Variants in SETBP1 observed in about 807,000 individuals in gnomAD.
SETBP1 encodes the protein SET binding protein 1.
Under a neutral mutation model 101.0 loss-of-function variants are expected in SETBP1, and 9 were observed. That is an observed-to-expected ratio of 0.09 (90% CI 0.05 to 0.16). SETBP1 has a LOEUF of 0.16. SETBP1 is among the 10% of genes least tolerant of loss of function. The pLI is 1.00. For missense variants in SETBP1, 1,858 were observed against 2,033.8 expected (o/e 0.91, Z 1.66); for synonymous variants, 818 against 788.5 (o/e 1.04, Z -0.63).
chr18:44,849,056 A>C (rs532021700), intron 2 of SETBP1, among the ~76,000 whole-genome samples: 1 of 152,296 alleles, frequency 6.6e-6, no homozygotes, highest in Non-Finnish European at 1.5e-5. Context: ...ACAAGTCCCT[A>C]ATACCATAGC....
At chr18:44,900,970 A>T (rs1336933699) in intron 3 of SETBP1, among the ~76,000 whole-genome samples, 1 of 152,226 alleles carries the variant, frequency 6.6e-6, no homozygotes, top group Non-Finnish European at 1.5e-5. Context: ...CTAGAAACAA[A>T]TAAAATCTCC....
At chr18:44,931,539 T>C (rs61355228) in intron 3 of SETBP1, among the ~76,000 whole-genome samples, 2,119 of 152,186 alleles carry the variant, frequency 0.014, 58 homozygotes, top group African/African-American at 0.048. Context: ...GACAGTGGGG[T>C]GTTAAAGTCT....
At chr18:44,876,545 T>A in intron 3 of SETBP1, 1 of 1,532,930 alleles carries the variant, frequency 6.5e-7, no homozygotes, top group Non-Finnish European at 8.8e-7. Flanking sequence ...AAAATCTAAG[T>A]CAGCCTCCTC....
chr18:45,024,588 A>T (rs1218623080), intron 4 of SETBP1, among the ~76,000 whole-genome samples: 4 of 152,194 alleles, frequency 2.6e-5, no homozygotes. Context: ...CTTCTCAGAC[A>T]CAGTTACTAT....
intron 2 of SETBP1, among the ~76,000 whole-genome samples, chr18:44,716,628 T>A (rs2069471262): frequency 6.6e-6 from 1 of 152,176 alleles, no homozygotes; most frequent in Admixed American, 6.5e-5. Flanking sequence ...AGTGGTGCGA[T>A]CTCGGCTCTC....
chr18:44,962,505 G>T (rs940871060), intron 4 of SETBP1, among the ~76,000 whole-genome samples: 2 of 152,126 alleles, frequency 1.3e-5, no homozygotes, highest in African/African-American at 2.4e-5. Flanking sequence ...AAACATGCCT[G>T]TCCTCAATGA....
At chr18:44,847,384 C>T (rs1218282450) in intron 2 of SETBP1, among the ~76,000 whole-genome samples, 1 of 152,214 alleles carries the variant, frequency 6.6e-6, no homozygotes, top group African/African-American at 2.4e-5. Context: ...TCCTCCGTGC[C>T]TTCTGGGATG....
intron 3 of SETBP1, among the ~76,000 whole-genome samples, chr18:44,898,262 C>G (rs1741954458): frequency 6.6e-6 from 1 of 152,072 alleles, no homozygotes; most frequent in Admixed American, 6.6e-5. Flanking sequence ...CTATTAAGCA[C>G]CAATGGGTTT....
chr18:44,683,058 G>A (rs2144086091), intron 1 of SETBP1, among the ~76,000 whole-genome samples: 1 of 152,318 alleles, frequency 6.6e-6, no homozygotes, highest in Middle Eastern at 3.4e-3. Context: ...GTGTCTGAGA[G>A]GCAGTAGTGT....
chr18:44,682,608 T>C (rs2068776941), intron 1 of SETBP1, among the ~76,000 whole-genome samples: 1 of 152,192 alleles, frequency 6.6e-6, no homozygotes, highest in African/African-American at 2.4e-5. Context: ...TCCCCTGTGC[T>C]TAGTCTCATT....
At position 44,731,159 on chromosome 18, in the gene SETBP1, C is replaced by T. The variant is rs913706630; in HGVS notation, c.486+29327C>T. Among the ~76,000 whole-genome samples the T allele has an allele frequency of 3.3e-5, 5 of 152,226 alleles. No individual in the cohort carries two copies. In the East Asian group the frequency reaches 9.7e-4, roughly 29 times the overall value. ...ACTTTCCAGCCAGCATGGCAGGTCT[C>T]GGGGTAGTTGGACTTCACACATGGT... On this transcript the variant is annotated intron_variant, in intron 2 of 5. Transcript: ENST00000649279.
chr18:44,879,866 A>G (rs2069490485), intron 3 of SETBP1, among the ~76,000 whole-genome samples: 1 of 152,208 alleles, frequency 6.6e-6, no homozygotes, highest in Admixed American at 6.5e-5. Flanking sequence ...CACTTTCTGA[A>G]CTAACATTTT....
chr18:44,821,984 G>A (rs2072123009), intron 2 of SETBP1, among the ~76,000 whole-genome samples: 1 of 152,218 alleles, frequency 6.6e-6, no homozygotes, highest in African/African-American at 2.4e-5. Flanking sequence ...GGGGTTCTCT[G>A]AAGCCATTAT....
At chr18:44,724,270 T>G (rs2069661740) in intron 2 of SETBP1, among the ~76,000 whole-genome samples, 1 of 152,128 alleles carries the variant, frequency 6.6e-6, no homozygotes. Context: ...TGGCTGAATG[T>G]GAATGTTGGG....
At position 45,063,531 on chromosome 18, in the gene SETBP1, C is replaced by T. The variant is rs772589320; in HGVS notation, c.4624C>T (p.Pro1542Ser). The change falls in exon 6 of 6, where the codon CCC (proline) becomes TCC (serine). Residue 1542 changes from proline (P) to serine (S), a missense_variant. Transcript: ENST00000649279. ...PPPPPPLPPP[P>S]PLPKTPRGGK... ...GCCGCCACCACCCCTGCCCCCGCCACCCCCTCTACCCAAGACCCCCCGAGG... is the reference window on the plus strand; with the variant it reads ...GCCGCCACCACCCCTGCCCCCGCCATCCCCTCTACCCAAGACCCCCCGAGG... 3 of 1,379,360 alleles carry T rather than the reference C, an allele frequency of 2.2e-6. No individual in the cohort carries two copies. Among genetic ancestry groups the T allele is most frequent in the African/African-American group, 3.1e-5 (2 of 64,972 alleles). The allele number at this position is 1,379,360 out of a possible 1,614,324, so 85.4% of individuals were successfully genotyped here.
At chr18:44,884,574 G>A (rs1264255112) in intron 3 of SETBP1, among the ~76,000 whole-genome samples, 1 of 152,116 alleles carries the variant, frequency 6.6e-6, no homozygotes. Flanking sequence ...AACTGACTTT[G>A]GATTCAGAAG....
intron 2 of SETBP1, among the ~76,000 whole-genome samples, chr18:44,860,589 A>C (rs1276249): frequency 6.6e-6 from 1 of 151,842 alleles, no homozygotes; most frequent in African/African-American, 2.4e-5. Context: ...CTCTACTAAA[A>C]ATGTAAAATT....
chr18:44,722,716 G>A (rs556607410), intron 2 of SETBP1, among the ~76,000 whole-genome samples: 7 of 152,190 alleles, frequency 4.6e-5, no homozygotes, highest in Non-Finnish European at 1.0e-4. Flanking sequence ...ATTGGGTTCT[G>A]ATGGTCACTA....
chr18:44,780,122 G>A (rs987994872), intron 2 of SETBP1, among the ~76,000 whole-genome samples: 4 of 152,056 alleles, frequency 2.6e-5, no homozygotes, highest in Admixed American at 1.3e-4. Context: ...CTGGGTGTTC[G>A]GAGACAAAAA....
Sources: allele counts gnomAD v4.1 joint callset (sites outside exome capture counted in the v4.1 genomes callset), GRCh38; gene constraint gnomAD v4.1.1; transcripts MANE v1.5; gene names NCBI Gene and HGNC (gene_info 2026-07-23, HGNC 2026-07-21).